Variants in SEL1L3 observed in about 807,000 individuals in gnomAD.
The protein encoded by SEL1L3 is SEL1L family member 3, also known as protein sel-1 homolog 3.
Under a neutral mutation model 142.8 loss-of-function variants are expected in SEL1L3, and 76 were observed. The observed-to-expected ratio is 0.53, with a 90% CI of 0.44 to 0.64. The LOEUF (loss-of-function observed/expected upper bound fraction) is 0.64. Among genes scored for constraint, SEL1L3 ranks in the 30% least tolerant of loss-of-function variants. SEL1L3 has a pLI of 0.00. For missense variants in SEL1L3, 1,262 were observed against 1,381.7 expected, an observed-to-expected ratio of 0.91 and a Z score of 1.37; for synonymous variants, 504 against 519.6, an observed-to-expected ratio of 0.97 and a Z score of 0.41.
At chr4:25,754,670 A>G (rs1224425465) in intron 23 of SEL1L3, among the ~76,000 whole-genome samples, 2 of 152,056 alleles carry the variant, frequency 1.3e-5, no homozygotes, top group Admixed American at 1.3e-4. Context: ...CAGTGTGGGC[A>G]TCATCTAGGA....
At chr4:25,861,822 C>T (rs1407028097) in intron 1 of SEL1L3, 1 of 152,102 alleles carries the variant, frequency 6.6e-6, no homozygotes, top group African/African-American at 2.4e-5. Flanking sequence ...TAGGAGAACT[C>T]AAAACAGAAG....
the SEL1L3 span, among the ~76,000 whole-genome samples, chr4:25,722,623 G>GTTTTTTTTTTTTTTTTT: frequency 7.2e-5 from 9 of 125,118 alleles, no homozygotes; most frequent in African/African-American, 4.1e-4. Context: ...TCCAAAGGAG[G>GTTTTTTTTTTTTTTTTT]CTTTTTTTTT....
chr4:25,857,947 T>C (rs1717380839), intron 1 of SEL1L3, among the ~76,000 whole-genome samples: 1 of 152,176 alleles, frequency 6.6e-6, no homozygotes, highest in African/African-American at 2.4e-5. Flanking sequence ...AGCTCCCCAG[T>C]ATAACTAAGC....
intron 8 of SEL1L3, among the ~76,000 whole-genome samples, 174 bp downstream of exon 8, chr4:25,819,634 G>T (rs1233918745): frequency 6.6e-6 from 1 of 152,178 alleles, no homozygotes; most frequent in Non-Finnish European, 1.5e-5. Flanking sequence ...AATCCAGGTG[G>T]AATGTACAAT....
At chr4:25,862,585 G>T (rs1717800112) in intron 1 of SEL1L3, 90 bp downstream of exon 1, 1 of 622,910 alleles carries the variant, frequency 1.6e-6, no homozygotes, top group South Asian at 7.0e-5. Flanking sequence ...CGGCGTCCCC[G>T]CCCCGCGTGG....
the SEL1L3 span, among the ~76,000 whole-genome samples, chr4:25,729,033 CG>C: frequency 6.9e-6 from 1 of 144,726 alleles, no homozygotes; most frequent in Non-Finnish European, 1.5e-5. Context: ...TGTCACCAGA[CG>C]TTTTTTTTTC....
downstream of SEL1L3, among the ~76,000 whole-genome samples, chr4:25,743,599 G>A (rs1461452620): frequency 1.3e-5 from 2 of 152,174 alleles, no homozygotes; most frequent in African/African-American, 4.8e-5. Context: ...AGGACCACTC[G>A]AAGTTGGGAG....
intron 14 of SEL1L3, among the ~76,000 whole-genome samples, chr4:25,783,711 A>C (rs1431538429): frequency 6.6e-6 from 1 of 152,242 alleles, no homozygotes; most frequent in African/African-American, 2.4e-5. Context: ...TATAGGAACT[A>C]GCTGACTTGA....
At chr4:25,789,342 G>A (rs1712107769) in intron 12 of SEL1L3, among the ~76,000 whole-genome samples, 1 of 152,076 alleles carries the variant, frequency 6.6e-6, no homozygotes, top group Non-Finnish European at 1.5e-5. Context: ...CACTTTGAGA[G>A]GCATAAGCAG....
intron 17 of SEL1L3, among the ~76,000 whole-genome samples, chr4:25,774,353 A>T (rs1719451501): frequency 6.6e-6 from 1 of 152,178 alleles, no homozygotes; most frequent in African/African-American, 2.4e-5. Flanking sequence ...AATCTGCGGA[A>T]CTGAATCCAA....
intron 16 of SEL1L3, among the ~76,000 whole-genome samples, chr4:25,777,130 T>C (rs1719690669): frequency 6.6e-6 from 1 of 151,790 alleles, no homozygotes; most frequent in Non-Finnish European, 1.5e-5. Context: ...TGAAGAAAAG[T>C]TGAAAGCAAA....
chr4:25,863,200 C>A (rs1292938109), upstream of SEL1L3, among the ~76,000 whole-genome samples: 9 of 132,274 alleles, frequency 6.8e-5, no homozygotes, highest in East Asian at 1.8e-3. Flanking sequence ...CGCCACCCCC[C>A]GCCCGGGTCG....
chr4:25,783,518 G>A (rs898154226), intron 14 of SEL1L3, among the ~76,000 whole-genome samples: 3 of 152,250 alleles, frequency 2.0e-5, no homozygotes, highest in African/African-American at 4.8e-5. Context: ...TTGTCTAGGT[G>A]TAGATTTACG....
chr4:25,771,235 C>A (rs1719164078), intron 17 of SEL1L3, among the ~76,000 whole-genome samples: 1 of 152,210 alleles, frequency 6.6e-6, no homozygotes, highest in Non-Finnish European at 1.5e-5. Context: ...TTTCCTCAAG[C>A]TTTAGAAAGT....
intron 2 of SEL1L3, among the ~76,000 whole-genome samples, chr4:25,844,813 T>A (rs1397611935): frequency 2.0e-5 from 3 of 152,188 alleles, no homozygotes; most frequent in Non-Finnish European, 4.4e-5. Context: ...GATGCCTGCA[T>A]GGGGCTCTGC....
the SEL1L3 span, among the ~76,000 whole-genome samples, chr4:25,716,463 T>G: frequency 1.3e-5 from 2 of 152,088 alleles, no homozygotes; most frequent in Non-Finnish European, 2.9e-5. Flanking sequence ...AAGTAGAAAA[T>G]ATGCATGCCC....
At chr4:25,810,009 C>T (rs1713909636) in intron 9 of SEL1L3, among the ~76,000 whole-genome samples, 1 of 152,224 alleles carries the variant, frequency 6.6e-6, no homozygotes, top group African/African-American at 2.4e-5. Context: ...CCTCTGCCCC[C>T]ACACTCAGCA....
chr4:25,857,192 A>G (rs1407555113), intron 1 of SEL1L3, among the ~76,000 whole-genome samples: 2 of 152,316 alleles, frequency 1.3e-5, no homozygotes, highest in East Asian at 3.9e-4. Context: ...TCAACAAAGC[A>G]TGCAATTAAG....
chr4:25,819,693 TG>T, intron 8 of SEL1L3, 114 bp downstream of exon 8: 2 of 936,246 alleles, frequency 2.1e-6, no homozygotes, highest in Non-Finnish European at 3.1e-6. Flanking sequence ...TTGTCCCATC[TG>T]GTATCTGAGC....
Sources: gnomAD v4.1 joint callset for allele counts (sites outside exome capture counted in the v4.1 genomes callset) on GRCh38, gnomAD v4.1.1 for gene constraint, MANE v1.5 for transcripts, NCBI Gene and HGNC (gene_info 2026-07-23, HGNC 2026-07-21) for gene names.